Variants in CEP350 observed in about 807,000 individuals in gnomAD.
CEP350 encodes centrosome-associated protein 350.
CEP350 carries 126 observed loss-of-function variants against 331.8 expected under a neutral mutation model. The ratio of observed to expected loss-of-function variants is 0.38; its 90% CI spans 0.33 to 0.44. The LOEUF (loss-of-function observed/expected upper bound fraction) is 0.44, where lower values mean the gene tolerates loss of function less well. Ranked by LOEUF, CEP350 falls within the 20% of genes least tolerant of loss-of-function variation. The probability of loss-of-function intolerance (pLI) is 1.00; values close to 1 mark genes in which losing one functional copy is unlikely to be tolerated. For missense variants in CEP350, 3,406 were observed against 3,634.6 expected (o/e 0.94, Z 1.62); for synonymous variants, 1,200 against 1,259.5 (o/e 0.95, Z 1.00).
intron 37 of CEP350, among the ~76,000 whole-genome samples, chr1:180,100,423 G>T (rs924065066): frequency 6.6e-6 from 1 of 151,996 alleles, no homozygotes; most frequent in African/African-American, 2.4e-5. Context: ...TACTTCTTAG[G>T]AATTAAAGAA....
At chr1:180,019,576 T>C (rs1007581923) in intron 11 of CEP350, among the ~76,000 whole-genome samples, 5 of 152,162 alleles carry the variant, frequency 3.3e-5, no homozygotes, top group Admixed American at 6.5e-5. Flanking sequence ...TTATAATCAG[T>C]ATTGTAAGGA....
At position 180,072,969 on chromosome 1, in the gene CEP350, C is replaced by T. The variant is rs193188167; in HGVS notation, c.5568-2053C>T. On this transcript the variant is annotated intron_variant, in intron 27 of 37. Coordinates refer to ENST00000367607, the MANE Select transcript of CEP350 (RefSeq NM_014810.5). ...CTAGACTTTTTAATCCATACACACA[C>T]GCACGGATCTATTTATTATTACAAA... is the stretch of plus-strand genomic sequence containing the variant. Among the ~76,000 whole-genome samples, 301 of 151,736 alleles carry T rather than the reference C, an allele frequency of 2.0e-3. 1 individual carries two copies. Among genetic ancestry groups the T allele is most frequent in the Middle Eastern group, 3.4e-3 (1 of 290 alleles).
chr1:180,073,711 C>G, intron 27 of CEP350: 1 of 1,176,942 alleles, frequency 8.5e-7, no homozygotes, highest in Non-Finnish European at 1.1e-6. Flanking sequence ...CTTCACTCAG[C>G]TCTTACGCTT....
chr1:180,031,267 T>G (rs1248664937), intron 14 of CEP350, 53 bp from the exon 15 acceptor site: 2 of 1,048,640 alleles, frequency 1.9e-6, no homozygotes, highest in Non-Finnish European at 2.9e-6. Flanking sequence ...CAATTATCTC[T>G]CTCAATAACT....
intron 37 of CEP350, among the ~76,000 whole-genome samples, chr1:180,104,936 C>A (rs1383844747): frequency 6.6e-6 from 1 of 152,036 alleles, no homozygotes; most frequent in Non-Finnish European, 1.5e-5. Flanking sequence ...GAATCTTTTC[C>A]ATTAGCATAC....
intron 15 of CEP350, among the ~76,000 whole-genome samples, chr1:180,032,765 A>C (rs1246733832): frequency 6.6e-6 from 1 of 152,072 alleles, no homozygotes; most frequent in Non-Finnish European, 1.5e-5. Context: ...TTTTATCTGC[A>C]TAGCAAATAT....
chr1:180,098,891 T>C lies in CEP350; in HGVS notation c.9095T>C (p.Leu3032Ser). ...KSFIASEVLK[L>S]FSLKKEPNHK... The stretch of plus-strand genomic sequence containing the variant: ...TTCATAGCAAGTGAAGTACTCAAGT[T>C]GTTCAGTCTTAAAAAGGAGCCAAAC... Residue 3032 changes from leucine to serine, a missense_variant, in exon 37 of 38, where the codon TTG (leucine) becomes TCG (serine). Leu to Ser is a moderately radical substitution (Grantham distance 145). Coordinates refer to ENST00000367607, the MANE Select transcript of CEP350 (RefSeq NM_014810.5). The C allele has an allele frequency of 6.2e-7, 1 of 1,613,476 alleles. No individual in the cohort carries two copies. Among genetic ancestry groups the C allele is most frequent in the East Asian group, 2.2e-5 (1 of 44,832 alleles).
intron 18 of CEP350, 24 bp downstream of exon 18, chr1:180,041,272 T>C: frequency 6.6e-7 from 1 of 1,516,466 alleles, no homozygotes; most frequent in Non-Finnish European, 8.9e-7. Context: ...CAGCAGGTTC[T>C]TGTTTTTTAA....
chr1:179,991,697 GTGTGTGTGTGTA>G (rs944807288), intron 4 of CEP350, among the ~76,000 whole-genome samples: 8 of 130,152 alleles, frequency 6.1e-5, no homozygotes, highest in African/African-American at 1.4e-4. Context: ...GTGTGTGTGT[GTGTGTGTGTGTA>G]TATATATATA....
In CEP350 at chr1:179,954,930, C is replaced by T; in HGVS notation, c.-226C>T. The T allele has an allele frequency of 1.2e-6, 1 of 851,060 alleles. No homozygotes were observed. Among genetic ancestry groups the T allele is most frequent in the East Asian group, 3.4e-5 (1 of 29,768 alleles). The allele number at this position is 851,060 out of a possible 1,614,324, so 52.7% of individuals were successfully genotyped here. A position where few individuals can be genotyped will look rare whatever the true frequency, so the allele number is the denominator to read the frequency against. On this transcript the variant is annotated 5_prime_UTR_variant, in exon 1 of 38. Transcript: ENST00000367607. Reference sequence around the variant, plus strand: ...AGCCGCAGCTCGGGGGGTGGCTTGCCCTGAGGGAGGGGAGGCAGCCTTTCC... The same window carrying T: ...AGCCGCAGCTCGGGGGGTGGCTTGCTCTGAGGGAGGGGAGGCAGCCTTTCC...
chr1:180,041,826 T>A (rs765504111), intron 19 of CEP350, 24 bp downstream of exon 19: 2 of 1,588,482 alleles, frequency 1.3e-6, no homozygotes, highest in African/African-American at 2.7e-5. Context: ...AGAACACTTC[T>A]CTTTTTACTT....
At position 180,093,584 on chromosome 1, in the gene CEP350, G is replaced by A. The variant is rs371438514; in HGVS notation, c.7479G>A (p.Glu2493=). ...TGGCTTCAGTTCCTACTGCAGACGA[G>A]TTATTTGATTTCCACATTGGTGATA... ...PSLASVPTAD[E]LFDFHIGDRV... Residue 2493 remains glutamate, a synonymous_variant, in exon 34 of 38, where the codon GAG becomes GAA. Coordinates refer to ENST00000367607, the MANE Select transcript of CEP350 (RefSeq NM_014810.5). The A allele has an allele frequency of 6.2e-7, 1 of 1,613,982 alleles. No homozygotes were observed. Among genetic ancestry groups the A allele is most frequent in the African/African-American group, 1.3e-5 (1 of 75,036 alleles).
intron 25 of CEP350, among the ~76,000 whole-genome samples, chr1:180,055,278 T>G (rs1373852824): frequency 6.6e-6 from 1 of 152,310 alleles, no homozygotes; most frequent in South Asian, 2.1e-4. Context: ...CTTAATTTCC[T>G]CATCTGTAGG....
At position 180,014,132 on chromosome 1, in the gene CEP350, T is replaced by C; in HGVS notation, c.1679T>C (p.Val560Ala). Residue 560 changes from valine to alanine, a missense_variant, in exon 10 of 38, where the codon GTA (valine) becomes GCA (alanine). Physicochemically the swap from Val to Ala is moderately conservative, Grantham distance 64. This residue lies in a region of CEP350 where 1,857 missense variants were observed against 1,909.2 expected (regional missense o/e 0.97). Coordinates refer to ENST00000367607, the MANE Select transcript of CEP350 (RefSeq NM_014810.5). ...CAGAACCAGAAGTCATCAGCACCAG[T>C]ACATGCTCCTAGGAGTCACAGCCCA... ...ELQNQKSSAPVHAPRSHSPVK... is the reference protein window; with the variant it reads ...ELQNQKSSAPAHAPRSHSPVK... 1 of 1,609,824 alleles carries C rather than the reference T, an allele frequency of 6.2e-7. No homozygotes were observed. The highest frequency in any genetic ancestry group is 2.2e-5 in the East Asian group (1 of 44,832).
intron 4 of CEP350, 34 bp from the exon 5 acceptor site, chr1:179,992,023 TTTATA>T (rs1424161088): frequency 1.3e-6 from 2 of 1,483,430 alleles, no homozygotes; most frequent in Non-Finnish European, 1.8e-6. Flanking sequence ...GCAGTTGTAT[TTTATA>T]TTATATGTTC....
chr1:180,032,938 A>G (rs1656114470), intron 15 of CEP350, among the ~76,000 whole-genome samples: 1 of 152,128 alleles, frequency 6.6e-6, no homozygotes, highest in East Asian at 1.9e-4. Flanking sequence ...TATCAATAGA[A>G]AATTAAGGGT....
intron 29 of CEP350, 24 bp from the exon 30 acceptor site, chr1:180,080,493 C>G: frequency 6.2e-7 from 1 of 1,602,168 alleles, no homozygotes; most frequent in East Asian, 2.2e-5. Flanking sequence ...AAAATAGTTT[C>G]CATTTGGTTT....
In CEP350 at chr1:180,028,741, C is replaced by G. The variant is rs565844029; in HGVS notation, c.3551-2579C>G. 8.6e-4 allele frequency among the ~76,000 whole-genome samples: 130 copies of G among 151,930 alleles called. 1 individual carries two copies. The highest frequency in any genetic ancestry group is 3.1e-3 in the African/African-American group (128 of 41,428). On this transcript the variant is annotated intron_variant, in intron 14 of 37. Transcript: ENST00000367607. Reference sequence around the variant, plus strand: ...ATCAGTTGAGTCCCCAAAGTTGAGGCTGCAGTGAGCCATGATCATGCTACT... The same window carrying G: ...ATCAGTTGAGTCCCCAAAGTTGAGGGTGCAGTGAGCCATGATCATGCTACT...
rs1660453451 is a variant in CEP350, at chr1:180,095,875, G to C, written c.8864G>C (p.Gly2955Ala). The C allele has an allele frequency of 6.2e-7, 1 of 1,613,054 alleles. No individual in the cohort carries two copies. The stretch of plus-strand genomic sequence containing the variant: ...ATCAGTATTCCTACAAAACTGCTTG[G>C]CTGTGCCAGTAAAGGTCTAGATATA... ...HSISIPTKLL[G>A]CASKGLDIES... The change falls in exon 35 of 38, where the codon GGC becomes GCC. Residue 2955 changes from glycine to alanine, a missense_variant. Coordinates refer to ENST00000367607, the MANE Select transcript of CEP350 (RefSeq NM_014810.5).
Sources: gnomAD v4.1 joint callset for allele counts (sites outside exome capture counted in the v4.1 genomes callset) on GRCh38, gnomAD v4.1.1 for gene constraint, gnomAD v4.1.1 regional missense constraint, MANE v1.5 for transcripts, NCBI Gene and HGNC (gene_info 2026-07-23, HGNC 2026-07-21) for gene names.